The following KCNMB2 variants were observed in gnomAD, a reference collection of about 807,000 sequenced individuals.
The protein encoded by KCNMB2 is potassium calcium-activated channel subfamily M regulatory beta subunit 2.
A neutral mutation model predicts 24.5 loss-of-function variants in KCNMB2; 9 were observed. The ratio of observed to expected loss-of-function variants is 0.37; its 90% CI spans 0.22 to 0.64. The LOEUF is 0.64. KCNMB2 is among the 30% of genes least tolerant of loss of function. The probability of loss-of-function intolerance (pLI) is 0.63; values close to 1 mark genes in which losing one functional copy is unlikely to be tolerated. For missense variants in KCNMB2, 226 were observed against 284.3 expected, an observed-to-expected ratio of 0.79 and a Z score of 1.47; for synonymous variants, 109 against 104.4, an observed-to-expected ratio of 1.04 and a Z score of -0.27.
chr3:178,734,552 A>G (rs888637030), intron 1 of KCNMB2, among the ~76,000 whole-genome samples: 9 of 152,176 alleles, frequency 5.9e-5, no homozygotes, highest in African/African-American at 1.7e-4. Flanking sequence ...CTCTGCTTGA[A>G]TGTTGGCATG....
chr3:178,750,073 C>T (rs566902935), intron 1 of KCNMB2, among the ~76,000 whole-genome samples: 17 of 152,248 alleles, frequency 1.1e-4, no homozygotes, highest in Admixed American at 2.0e-4. Flanking sequence ...AAAGACACAT[C>T]CATTAACCAC....
chr3:178,725,810 C>G (rs1023426423), intron 1 of KCNMB2, among the ~76,000 whole-genome samples: 1 of 151,788 alleles, frequency 6.6e-6, no homozygotes, highest in Non-Finnish European at 1.5e-5. Flanking sequence ...AACCTTTTAC[C>G]TTTAACCTAC....
At position 178,737,285 on chromosome 3, in the gene KCNMB2, A is replaced by G. The variant is rs1287594881; in HGVS notation, c.-67-70058A>G. Among the ~76,000 whole-genome samples, 6 of 152,194 alleles carry G rather than the reference A, an allele frequency of 3.9e-5. No homozygotes were observed. In the South Asian group the frequency reaches 8.3e-4, roughly 21 times the overall value. ...TTCTGTTTAAAAAAAAAAAAATTGC[A>G]TTATGGAAAATTTTAGTTCCATCTC... is the stretch of plus-strand genomic sequence containing the variant. On this transcript the variant is annotated intron_variant, in intron 1 of 4. Coordinates refer to ENST00000452583, the MANE Select transcript of KCNMB2 (RefSeq NM_181361.3).
At chr3:178,832,304 G>A (rs1032260919) in intron 4 of KCNMB2, among the ~76,000 whole-genome samples, 1 of 151,852 alleles carries the variant, frequency 6.6e-6, no homozygotes, top group Non-Finnish European at 1.5e-5. Flanking sequence ...TCAGAAATCA[G>A]CCCTCAGTCT....
intron 1 of KCNMB2, among the ~76,000 whole-genome samples, chr3:178,626,205 T>G (rs1351032520): frequency 6.6e-6 from 1 of 152,126 alleles, no homozygotes; most frequent in Non-Finnish European, 1.5e-5. Flanking sequence ...GGACCTGGAG[T>G]CAGAGAGACT....
chr3:178,579,331 G>A (rs1577024507), intron 1 of KCNMB2, among the ~76,000 whole-genome samples: 1 of 152,086 alleles, frequency 6.6e-6, no homozygotes, highest in East Asian at 1.9e-4. Flanking sequence ...TGAGAACAAA[G>A]ACACAACATA....
intron 1 of KCNMB2, among the ~76,000 whole-genome samples, chr3:178,693,633 T>G (rs1721763662): frequency 6.6e-6 from 1 of 152,218 alleles, no homozygotes; most frequent in Admixed American, 6.5e-5. Flanking sequence ...GTTGATATGC[T>G]GATGGATTCT....
At chr3:178,601,681 C>T (rs1051413292) in intron 1 of KCNMB2, among the ~76,000 whole-genome samples, 2 of 152,172 alleles carry the variant, frequency 1.3e-5, no homozygotes, top group African/African-American at 4.8e-5. Context: ...TACCTAGAGG[C>T]CTTGGTGGCT....
intron 1 of KCNMB2, among the ~76,000 whole-genome samples, chr3:178,640,994 A>T (rs780291736): frequency 1.3e-5 from 2 of 152,192 alleles, no homozygotes; most frequent in Non-Finnish European, 2.9e-5. Flanking sequence ...TTTGTCAAAG[A>T]TCAGTTGAAC....
chr3:178,794,423 TG>T (rs1457860297), intron 1 of KCNMB2, among the ~76,000 whole-genome samples: 1 of 151,936 alleles, frequency 6.6e-6, no homozygotes, highest in Admixed American at 6.6e-5. Flanking sequence ...CTTACATCCA[TG>T]AGACATGCAG....
chr3:178,653,324 G>A (rs1306516721), intron 1 of KCNMB2, among the ~76,000 whole-genome samples: 2 of 151,982 alleles, frequency 1.3e-5, no homozygotes, highest in Non-Finnish European at 2.9e-5. Flanking sequence ...AGTTTTTATA[G>A]TTTATTCATG....
chr3:178,709,909 T>C (rs1219220625), intron 1 of KCNMB2, among the ~76,000 whole-genome samples: 1 of 152,150 alleles, frequency 6.6e-6, no homozygotes, highest in Non-Finnish European at 1.5e-5. Flanking sequence ...TGAGATTGTA[T>C]GGATAAGGTC....
intron 1 of KCNMB2, among the ~76,000 whole-genome samples, chr3:178,784,739 A>G (rs1713027024): frequency 1.3e-5 from 2 of 152,044 alleles, no homozygotes; most frequent in African/African-American, 2.4e-5. Flanking sequence ...ATCTTTAAGT[A>G]TAATCCTTCA....
rs1718435164 is a variant in KCNMB2, at chr3:178,610,255, CT to C, written c.-68+73548del. ...TAGGATAGCTTTGGCTATTCTGGAT[CT>C]TTTGTGACTCCATATAAATTTTAGC... On this transcript the variant is annotated intron_variant, in intron 1 of 4. Coordinates refer to ENST00000452583, the MANE Select transcript of KCNMB2 (RefSeq NM_181361.3). Among the ~76,000 whole-genome samples, 7 of 152,140 alleles carry C rather than the reference CT, an allele frequency of 4.6e-5. No individual in the cohort carries two copies. The South Asian group carries it at 1.5e-3, about 32-fold the overall frequency.
chr3:178,561,358 A>T (rs1302906791), intron 1 of KCNMB2, among the ~76,000 whole-genome samples: 1 of 152,186 alleles, frequency 6.6e-6, no homozygotes, highest in East Asian at 1.9e-4. Context: ...AAAACAAAAC[A>T]ATGCTGAGAA....
intron 1 of KCNMB2, among the ~76,000 whole-genome samples, chr3:178,677,246 A>G (rs1435595250): frequency 6.6e-6 from 1 of 152,202 alleles, no homozygotes; most frequent in East Asian, 1.9e-4. Flanking sequence ...TTCCTGACTC[A>G]GAGATTTCCT....
intron 1 of KCNMB2, among the ~76,000 whole-genome samples, chr3:178,657,233 C>T (rs1296053606): frequency 6.6e-6 from 1 of 152,222 alleles, no homozygotes; most frequent in Admixed American, 6.5e-5. Flanking sequence ...CACAGGATAG[C>T]TCTGAGTTCA....
At chr3:178,652,312 C>T (rs1224563653) in intron 1 of KCNMB2, among the ~76,000 whole-genome samples, 1 of 152,004 alleles carries the variant, frequency 6.6e-6, no homozygotes, top group Non-Finnish European at 1.5e-5. Flanking sequence ...ACACTGGGAC[C>T]TGTCGAGGTT....
rs11434181 is a variant in KCNMB2, at chr3:178,744,716, G to GAA, written c.-67-62617_-67-62616dup. 2.0e-4 allele frequency among the ~76,000 whole-genome samples: 29 copies of GAA among 145,400 alleles called. No individual in the cohort carries two copies. In the East Asian group the frequency reaches 2.4e-3, roughly 12 times the overall value. On this transcript the variant is annotated intron_variant, in intron 1 of 4. Coordinates refer to ENST00000452583, the MANE Select transcript of KCNMB2 (RefSeq NM_181361.3). ...GGACACATAGGATCTTGTGGGATCC[G>GAA]AAAAAAAAAAAGGATTAGGCATGGC...
Sources: gnomAD v4.1 joint callset for allele counts (sites outside exome capture counted in the v4.1 genomes callset) on GRCh38, gnomAD v4.1.1 for gene constraint, MANE v1.5 for transcripts, NCBI Gene and HGNC (gene_info 2026-07-23, HGNC 2026-07-21) for gene names.